The following SMARCAL1 variants were observed in gnomAD, a reference collection of about 807,000 sequenced individuals.
SMARCAL1 encodes ATP-driven annealing helicase.
Under a neutral mutation model 94.5 loss-of-function variants are expected in SMARCAL1, and 58 were observed. The observed-to-expected ratio is 0.61, with a 90% CI of 0.50 to 0.76. The LOEUF is 0.76. Ranked by LOEUF, SMARCAL1 falls within the 30% of genes least tolerant of loss-of-function variation. SMARCAL1 has a pLI of 0.00. For missense variants in SMARCAL1, 1,051 were observed against 1,177.9 expected (o/e 0.89, Z 1.58); for synonymous variants, 422 against 455.1 (o/e 0.93, Z 0.93).
In SMARCAL1 at chr2:216,475,322, C is replaced by T. The variant is rs1574484144; in HGVS notation, c.2298C>T (p.Asp766=). The change falls in exon 15 of 18, where the codon GAC becomes GAT. Residue 766 remains aspartate, a synonymous_variant. Coordinates refer to ENST00000357276, the MANE Select transcript of SMARCAL1 (RefSeq NM_014140.4). This position sits in a 1 kb window ranked among gnomAD's most constrained non-coding sequence, Gnocchi z 4.4. Reference sequence around the variant, plus strand: ...CCACCTCATCAGCTGAGCGGGAGGACCTGTGCCAGCAGTTCCAACTGTCGG... The same window carrying T: ...CCACCTCATCAGCTGAGCGGGAGGATCTGTGCCAGCAGTTCCAACTGTCGG... The part of the protein sequence containing the change: ...DGSTSSAERE[D]LCQQFQLSER... The T allele has an allele frequency of 3.7e-6, 6 of 1,614,218 alleles. No individual in the cohort carries two copies. The highest frequency in any genetic ancestry group is 5.1e-6 in the Non-Finnish European group (6 of 1,180,038).
rs1693540729 is a variant in SMARCAL1 at position 216,414,510 on chromosome 2, TATAAA to T, written c.-58-135_-58-131del. 9 of 609,200 alleles carry T rather than the reference TATAAA, an allele frequency of 1.5e-5. No homozygotes were observed. In the Admixed American group the frequency reaches 2.3e-4, roughly 16 times the overall value. 37.7% of individuals were successfully genotyped at this position (609,200 alleles called of 1,614,324 possible). Reference sequence around the variant, plus strand: ...CCTACTATTTCAGTGTGTGTGCAATTATAAAAGAAACTTTAATACATCCTTTAGTT... The same window carrying T: ...CCTACTATTTCAGTGTGTGTGCAATTAGAAACTTTAATACATCCTTTAGTT... On this transcript the variant is annotated intron_variant, in intron 2 of 17. Coordinates refer to ENST00000357276, the MANE Select transcript of SMARCAL1 (RefSeq NM_014140.4).
rs1255684489 is a variant in SMARCAL1 at position 216,468,029 on chromosome 2, C to G, written c.2227C>G (p.Gln743Glu). 2.5e-6 allele frequency: 4 copies of G among 1,612,636 alleles called. No homozygotes were observed. The highest frequency in any genetic ancestry group is 1.7e-5 in the Admixed American group (1 of 59,998). Residue 743 changes from glutamine to glutamate, a missense_variant, in exon 14 of 18, where the codon CAA (glutamine) becomes GAA (glutamate). Physicochemically the swap from Gln to Glu is conservative, Grantham distance 29. Transcript: ENST00000357276. ...TAAGGTGGTCCTGGACGCAATTACG[C>G]AAGAGCTTGAGAGAAAGGTGAGCTC... ...HHKVVLDAIT[Q>E]ELERKHVQHI...
intron 15 of SMARCAL1, among the ~76,000 whole-genome samples, 179 bp from the exon 16 acceptor site, chr2:216,476,930 G>A (rs1695095002): frequency 6.6e-6 from 1 of 152,202 alleles, no homozygotes; most frequent in African/African-American, 2.4e-5. Context: ...AAAGTGGCAG[G>A]TCATTTGTAG....
chr2:216,460,403 A>G (rs927412870), intron 12 of SMARCAL1, among the ~76,000 whole-genome samples: 3 of 152,210 alleles, frequency 2.0e-5, no homozygotes, highest in African/African-American at 7.2e-5. Context: ...TTATTGCAGC[A>G]CTATTCACAA....
At chr2:216,449,451 C>T (rs919168527) in intron 11 of SMARCAL1, among the ~76,000 whole-genome samples, 2 of 152,056 alleles carry the variant, frequency 1.3e-5, no homozygotes, top group African/African-American at 2.4e-5. Context: ...AAAAGAGAAC[C>T]TCATGCTGAG....
intron 7 of SMARCAL1, among the ~76,000 whole-genome samples, chr2:216,431,880 A>G (rs989921077): frequency 1.3e-5 from 2 of 152,106 alleles, no homozygotes; most frequent in Admixed American, 6.5e-5. Flanking sequence ...CCTTCCTCCC[A>G]TCCTTTTCTC....
intron 4 of SMARCAL1, among the ~76,000 whole-genome samples, chr2:216,417,543 G>A (rs1246613277): frequency 2.0e-5 from 3 of 152,078 alleles, no homozygotes; most frequent in Non-Finnish European, 4.4e-5. Flanking sequence ...TTGGATTATC[G>A]CCCACCTTGG....
intron 12 of SMARCAL1, among the ~76,000 whole-genome samples, chr2:216,453,148 C>A (rs1011762150): frequency 6.6e-6 from 1 of 152,170 alleles, no homozygotes; most frequent in African/African-American, 2.4e-5. Flanking sequence ...GAAAATGAAG[C>A]CTAAATTGCA....
chr2:216,471,396 G>A (rs192346327), intron 14 of SMARCAL1, among the ~76,000 whole-genome samples: 44 of 147,152 alleles, frequency 3.0e-4, no homozygotes, highest in South Asian at 1.5e-3. Context: ...TTGCTCTGTC[G>A]CTCAGGCTGG....
intron 13 of SMARCAL1, 23 bp downstream of exon 13, chr2:216,464,690 CCTCTCT>C: frequency 6.8e-7 from 1 of 1,466,904 alleles, no homozygotes; most frequent in Non-Finnish European, 9.4e-7. Flanking sequence ...TAAGTGTCGA[CCTCTCT>C]CTCTCTCATC....
chr2:216,478,768 C>A (rs752953196), intron 17 of SMARCAL1, among the ~76,000 whole-genome samples: 1 of 152,152 alleles, frequency 6.6e-6, no homozygotes, highest in Non-Finnish European at 1.5e-5. Context: ...TGAGACATGG[C>A]AGTATAGTAG....
intron 12 of SMARCAL1, among the ~76,000 whole-genome samples, chr2:216,463,855 C>A (rs1694765909): frequency 6.6e-6 from 1 of 152,056 alleles, no homozygotes; most frequent in South Asian, 2.1e-4. Context: ...CCAGCCTGGC[C>A]AACATGGTGA....
chr2:216,468,439 C>G (rs1574479515), intron 14 of SMARCAL1, among the ~76,000 whole-genome samples: 1 of 152,166 alleles, frequency 6.6e-6, no homozygotes, highest in African/African-American at 2.4e-5. Context: ...TGTCAAAGCA[C>G]TTTTATTAAT....
chr2:216,430,895 T>C (rs779926484), intron 7 of SMARCAL1, among the ~76,000 whole-genome samples: 3 of 152,242 alleles, frequency 2.0e-5, no homozygotes, highest in Non-Finnish European at 2.9e-5. Context: ...TCCCCCCATC[T>C]GTCTGTGTTG....
intron 12 of SMARCAL1, 22 bp from the exon 13 acceptor site, chr2:216,464,575 T>G (rs1472586867): frequency 6.3e-7 from 1 of 1,588,710 alleles, no homozygotes; most frequent in Non-Finnish European, 8.6e-7. Flanking sequence ...GCACTTAACA[T>G]TCTTAACTTA....
At chr2:216,424,127 C>G (rs557471616) in intron 6 of SMARCAL1, among the ~76,000 whole-genome samples, 1 of 152,280 alleles carries the variant, frequency 6.6e-6, no homozygotes, top group East Asian at 1.9e-4. Flanking sequence ...GAATGGACTT[C>G]ATAATAGAGT....
At chr2:216,416,388 G>A in intron 4 of SMARCAL1, 81 bp downstream of exon 4, 1 of 1,207,006 alleles carries the variant, frequency 8.3e-7, no homozygotes, top group South Asian at 1.2e-5. Context: ...TCCAGCTTAT[G>A]GAGTGCATGG....
chr2:216,442,682 C>T (rs1694221678), intron 10 of SMARCAL1, among the ~76,000 whole-genome samples: 3 of 152,166 alleles, frequency 2.0e-5, no homozygotes, highest in African/African-American at 7.2e-5. Context: ...AAAATCATTC[C>T]ATGTTGTTCC....
chr2:216,415,456 T>G lies in SMARCAL1; in HGVS notation c.752T>G (p.Leu251Trp). 1 of 1,613,978 alleles carries G rather than the reference T, an allele frequency of 6.2e-7. No individual in the cohort carries two copies. Among genetic ancestry groups the G allele is most frequent in the Non-Finnish European group, 8.5e-7 (1 of 1,180,024 alleles). Residue 251 changes from leucine (L) to tryptophan (W), a missense_variant, in exon 3 of 18, where the codon TTG becomes TGG. Coordinates refer to ENST00000357276, the MANE Select transcript of SMARCAL1 (RefSeq NM_014140.4). ...CVRNGDRFQV[L>W]IGYNAELIAV... ...AGGAACGGCGATCGTTTCCAGGTGT[T>G]GATTGGGTACAATGCGGAACTCATT...
Sources: gnomAD v4.1 joint callset for allele counts (sites outside exome capture counted in the v4.1 genomes callset) on GRCh38, gnomAD v4.1.1 for gene constraint, Gnocchi (gnomAD v3.1) non-coding constraint, MANE v1.5 for transcripts, NCBI Gene and HGNC (gene_info 2026-07-23, HGNC 2026-07-21) for gene names.